RELT: variants seen among roughly 807,000 people sequenced by gnomAD.
RELT encodes tumor necrosis factor receptor superfamily member 19L.
RELT carries 37 observed loss-of-function variants against 51.1 expected under a neutral mutation model. That is an observed-to-expected ratio of 0.72 (90% CI 0.56 to 0.95). The LOEUF (loss-of-function observed/expected upper bound fraction) is 0.95. RELT is among the 40% of genes least tolerant of loss of function. RELT has a pLI of 0.00. For missense variants in RELT, 535 were observed against 572.6 expected, an observed-to-expected ratio of 0.93 and a Z score of 0.67; for synonymous variants, 241 against 235.7, an observed-to-expected ratio of 1.02 and a Z score of -0.21.
intron 6 of RELT, 44 bp from the exon 7 acceptor site, chr11:73,393,793 G>A (rs747105985): frequency 8.8e-6 from 14 of 1,592,358 alleles, no homozygotes; most frequent in South Asian, 1.1e-5. Flanking sequence ...TCAGGAGTGC[G>A]GCTTCCCCCT....
intron 1 of RELT, among the ~76,000 whole-genome samples, chr11:73,384,990 A>C (rs2134443338): frequency 6.6e-6 from 1 of 150,582 alleles, no homozygotes; most frequent in Non-Finnish European, 1.5e-5. Context: ...GGTGGAAAGC[A>C]CTCAGCGTGG....
chr11:73,379,252 G>C (rs1051576526), intron 1 of RELT, among the ~76,000 whole-genome samples: 1 of 152,192 alleles, frequency 6.6e-6, no homozygotes, highest in African/African-American at 2.4e-5. Flanking sequence ...GGGCCTGGGA[G>C]GGGGAGCAAG....
In RELT at chr11:73,396,324, C is replaced by CAG. The variant is rs1399856461; in HGVS notation, c.*836_*837dup. 6.6e-6 allele frequency: 1 copy of CAG among 152,342 alleles called. No individual in the cohort carries two copies. Among genetic ancestry groups the CAG allele is most frequent in the African/African-American group, 2.4e-5 (1 of 41,462 alleles). The allele number at this position is 152,342 out of a possible 1,614,324, so 9.4% of individuals were successfully genotyped here. A position where few individuals can be genotyped will look rare whatever the true frequency, so the allele number is the denominator to read the frequency against. ...ACTTGATCCCGGCAGGACTGTGATA[C>CAG]AGAGCCCTAGCCTGCCCAGCCAGCC... On this transcript the variant is annotated 3_prime_UTR_variant, in exon 11 of 11. Coordinates refer to ENST00000064780, the MANE Select transcript of RELT (RefSeq NM_152222.2).
In RELT at chr11:73,394,802, C is replaced by G. The variant is rs998039349; in HGVS notation, c.1046+68C>G. 4 of 1,550,592 alleles carry G rather than the reference C, an allele frequency of 2.6e-6. No individual in the cohort carries two copies. The African/African-American group carries it at 4.1e-5, about 16-fold the overall frequency. On this transcript the variant is annotated intron_variant, in intron 9 of 10. Coordinates refer to ENST00000064780, the MANE Select transcript of RELT (RefSeq NM_152222.2). This position sits in a 1 kb window ranked among gnomAD's most constrained non-coding sequence, Gnocchi z 4.9. ...CAGCCTGGGGGCCGGGAGGGGGAGG[C>G]AGGGCCCCAGCTTGGGCCCTGAGCA...
At chr11:73,380,767 C>A (rs953431827) in intron 1 of RELT, among the ~76,000 whole-genome samples, 2 of 152,174 alleles carry the variant, frequency 1.3e-5, no homozygotes, top group East Asian at 3.9e-4. Context: ...GAGAGAGGAC[C>A]AGAGAGGAAG....
intron 2 of RELT, 144 bp from the exon 3 acceptor site, chr11:73,390,407 T>TTA: frequency 1.4e-6 from 1 of 705,784 alleles, no homozygotes; most frequent in South Asian, 1.6e-5. Context: ...GGGATTGAGG[T>TTA]TAGAAGAGTG....
chr11:73,395,101 G>A lies in RELT; in HGVS notation c.1061G>A (p.Arg354Gln), dbSNP rs748761671. The A allele has an allele frequency of 3.0e-5, 48 of 1,613,300 alleles. No individual in the cohort carries two copies. The highest frequency in any genetic ancestry group is 9.9e-5 in the South Asian group (9 of 91,086). Residue 354 changes from arginine (R) to glutamine (Q), a missense_variant, in exon 10 of 11, where the codon CGA becomes CAA. Coordinates refer to ENST00000064780, the MANE Select transcript of RELT (RefSeq NM_152222.2). The stretch of plus-strand genomic sequence containing the variant: ...TCTCCTCACAGGTTCCGCGTGGCTC[G>A]AATTCCTGAGCAGCGGACAAGTTCA... ...ILSVGRFRVA[R>Q]IPEQRTSSMV...
At chr11:73,393,962 G>C in intron 7 of RELT, 45 bp downstream of exon 7, 1 of 1,565,530 alleles carries the variant, frequency 6.4e-7, no homozygotes, top group Non-Finnish European at 8.8e-7. Flanking sequence ...GGAGAGGAGG[G>C]TTTCCTCCAG....
In RELT at chr11:73,394,939, T is replaced by C; in HGVS notation, c.1047-148T>C. 1.1e-6 allele frequency: 1 copy of C among 896,158 alleles called. No homozygotes were observed. Among genetic ancestry groups the C allele is most frequent in the Non-Finnish European group, 1.7e-6 (1 of 587,736 alleles). The allele number at this position is 896,158 out of a possible 1,614,324, so 55.5% of individuals were successfully genotyped here. A position where few individuals can be genotyped will look rare whatever the true frequency, so the allele number is the denominator to read the frequency against. ...GTCTCACATGGAGCCCTTGCATCCC[T>C]AGGGCAGCATCTTGGCCCCCATGGC... On this transcript the variant is annotated intron_variant, in intron 9 of 10. Coordinates refer to ENST00000064780, the MANE Select transcript of RELT (RefSeq NM_152222.2). This position sits in a 1 kb window ranked among gnomAD's most constrained non-coding sequence, Gnocchi z 4.9.
At chr11:73,382,258 A>T (rs1225743883) in intron 1 of RELT, among the ~76,000 whole-genome samples, 1 of 152,072 alleles carries the variant, frequency 6.6e-6, no homozygotes, top group Non-Finnish European at 1.5e-5. Context: ...AAGTCTGGGG[A>T]GAGTTGGAGA....
intron 1 of RELT, among the ~76,000 whole-genome samples, chr11:73,386,234 C>A (rs890188865): frequency 1.3e-5 from 2 of 152,118 alleles, no homozygotes; most frequent in African/African-American, 4.8e-5. Context: ...CCCCTGGGGC[C>A]CCTCCTCCCC....
Position 73,397,391 on chromosome 11 carries a change from A to G in RELT, c.*1900A>G, listed in dbSNP as rs898964658. The G allele has an allele frequency of 6.6e-6, 1 of 152,244 alleles. No individual in the cohort carries two copies. The highest frequency in any genetic ancestry group is 1.5e-5 in the Non-Finnish European group (1 of 68,048). 9.4% of individuals were successfully genotyped at this position (152,244 alleles called of 1,614,324 possible). On this transcript the variant is annotated 3_prime_UTR_variant, in exon 11 of 11. Coordinates refer to ENST00000064780, the MANE Select transcript of RELT (RefSeq NM_152222.2). ...CTAAAATTCCTAGGGCAAGCTTCCA[A>G]CCCGGCCCAAGGGCCGCATGTGGCC...
intron 1 of RELT, among the ~76,000 whole-genome samples, chr11:73,386,118 C>A (rs1360527690): frequency 1.3e-5 from 2 of 152,162 alleles, no homozygotes; most frequent in Admixed American, 1.3e-4. Flanking sequence ...AAACTGAGAC[C>A]CAGTGATGTG....
At chr11:73,395,326 A>G in intron 10 of RELT, 41 bp downstream of exon 10, 1 of 1,607,792 alleles carries the variant, frequency 6.2e-7, no homozygotes, top group Non-Finnish European at 8.5e-7. Context: ...CACCTGGGCC[A>G]ACCCTGACCG....
At chr11:73,376,649 C>G (rs1014059263) in intron 1 of RELT, 150 bp downstream of exon 1, 2 of 152,004 alleles carry the variant, frequency 1.3e-5, no homozygotes, top group East Asian at 3.9e-4. Flanking sequence ...CGCGCCCCCC[C>G]ACCCCACTCC....
chr11:73,390,676 G>C, intron 3 of RELT, 51 bp downstream of exon 3: 1 of 1,611,832 alleles, frequency 6.2e-7, no homozygotes, highest in Non-Finnish European at 8.5e-7. Context: ...CTGAGGGCCA[G>C]GGGCAGAGTC....
At chr11:73,389,704 A>G (rs1866180216) in intron 2 of RELT, among the ~76,000 whole-genome samples, 1 of 152,228 alleles carries the variant, frequency 6.6e-6, no homozygotes, top group Admixed American at 6.5e-5. Flanking sequence ...CTGTGACGCT[A>G]GAAGCTCAGG....
At chr11:73,387,992 G>T (rs1478880813) in intron 1 of RELT, among the ~76,000 whole-genome samples, 2 of 152,204 alleles carry the variant, frequency 1.3e-5, no homozygotes, top group African/African-American at 2.4e-5. Context: ...GTACACAGCG[G>T]ACTTCCTTGC....
In RELT at chr11:73,394,054, C is replaced by G. The variant is rs1220868667; in HGVS notation, c.706+137C>G. 2 of 1,003,856 alleles carry G rather than the reference C, an allele frequency of 2.0e-6. No individual in the cohort carries two copies. The highest frequency in any genetic ancestry group is 1.6e-5 in the African/African-American group (1 of 62,768). 62.2% of individuals were successfully genotyped at this position (1,003,856 alleles called of 1,614,324 possible). A position where few individuals can be genotyped will look rare whatever the true frequency, so the allele number is the denominator to read the frequency against. ...AGGGTGCCTCAAGCAGCCTGGTGCT[C>G]TCTGACCCAGGAGTGCACACCTCTG... On this transcript the variant is annotated intron_variant, in intron 7 of 10. Coordinates refer to ENST00000064780, the MANE Select transcript of RELT (RefSeq NM_152222.2). The surrounding 1 kb of genome is among the most constrained non-coding windows in gnomAD (Gnocchi z 4.9).
Sources: gnomAD v4.1 joint callset for allele counts (sites outside exome capture counted in the v4.1 genomes callset) on GRCh38, gnomAD v4.1.1 for gene constraint, Gnocchi (gnomAD v3.1) non-coding constraint, MANE v1.5 for transcripts, NCBI Gene and HGNC (gene_info 2026-07-23, HGNC 2026-07-21) for gene names.